The following SCAPER variants were observed in gnomAD, a reference collection of about 807,000 sequenced individuals.
SCAPER encodes the protein S phase cyclin A-associated protein in the endoplasmic reticulum.
Under a neutral mutation model 182.2 loss-of-function variants are expected in SCAPER, and 98 were observed. The observed-to-expected ratio is 0.54, with a 90% CI of 0.46 to 0.64. The LOEUF (loss-of-function observed/expected upper bound fraction) is 0.64, where lower values mean the gene tolerates loss of function less well. SCAPER is among the 30% of genes least tolerant of loss of function. The pLI, the probability that SCAPER is intolerant of heterozygous loss-of-function variation, is 0.00. For missense variants in SCAPER, 1,432 were observed against 1,690.0 expected (o/e 0.85, Z 2.68); for synonymous variants, 605 against 564.6 (o/e 1.07, Z -1.01).
In SCAPER at chr15:76,603,815, T is replaced by A. The variant is rs1343205674; in HGVS notation, c.2711+17949A>T. ...AGCATTTTTTCATGTGTCTGTTGGC[T>A]GCATAAATGTCTTCTTTTGAGAAGT... is the stretch of plus-strand genomic sequence containing the variant. On this transcript the variant is annotated intron_variant, in intron 22 of 31. Coordinates refer to ENST00000563290, the MANE Select transcript of SCAPER (RefSeq NM_020843.4). Among the ~76,000 whole-genome samples, 5 of 122,480 alleles carry A rather than the reference T, an allele frequency of 4.1e-5. 2 individuals are homozygous for A. The highest frequency in any genetic ancestry group is 9.9e-5 in the Non-Finnish European group (5 of 50,298). The allele number at this position is 122,480 out of a possible 152,430, so 80.4% of individuals were successfully genotyped here.
chr15:76,710,230 T>C (rs1189823730), intron 17 of SCAPER, among the ~76,000 whole-genome samples: 3 of 151,766 alleles, frequency 2.0e-5, no homozygotes, highest in Non-Finnish European at 2.9e-5. Flanking sequence ...TAAAACAAAC[T>C]TTATTCACAG....
intron 20 of SCAPER, among the ~76,000 whole-genome samples, chr15:76,690,243 G>C (rs1018547337): frequency 2.6e-5 from 4 of 151,728 alleles, no homozygotes; most frequent in Non-Finnish European, 5.9e-5. Context: ...ATAACCCCAG[G>C]GTAATCATGA....
intron 27 of SCAPER, among the ~76,000 whole-genome samples, chr15:76,396,719 G>C (rs1388228434): frequency 6.6e-6 from 1 of 152,126 alleles, no homozygotes; most frequent in African/African-American, 2.4e-5. Flanking sequence ...TTTTGATGGA[G>C]TCTTTAGGTT....
Position 76,637,722 on chromosome 15 carries a change from T to TTATATATATA in SCAPER, c.2646-15903_2646-15894dup, listed in dbSNP as rs369760680. On this transcript the variant is annotated intron_variant, in intron 21 of 31. Coordinates refer to ENST00000563290, the MANE Select transcript of SCAPER (RefSeq NM_020843.4). ...CCCTATCTCTACAATATATATGTGA[T>TTATATATATA]TATATATATATATATATATATGTGT... Among the ~76,000 whole-genome samples, 81 of 77,732 alleles carry TTATATATATA rather than the reference T, an allele frequency of 1.0e-3. 1 individual carries two copies. Among genetic ancestry groups the TTATATATATA allele is most frequent in the African/African-American group, 3.3e-3 (69 of 20,894 alleles). The allele number at this position is 77,732 out of a possible 152,430, so 51.0% of individuals were successfully genotyped here.
At chr15:76,879,766 T>A (rs1322987882) in intron 2 of SCAPER, among the ~76,000 whole-genome samples, 1 of 152,218 alleles carries the variant, frequency 6.6e-6, no homozygotes, top group African/African-American at 2.4e-5. Context: ...TGTAACGTCC[T>A]AAGGCTAAGT....
intron 17 of SCAPER, among the ~76,000 whole-genome samples, chr15:76,723,828 G>A (rs566222928): frequency 7.5e-4 from 114 of 152,300 alleles, no homozygotes; most frequent in Non-Finnish European, 1.4e-3. Context: ...CTCTGCACAT[G>A]AGATGGGGTT....
intron 22 of SCAPER, among the ~76,000 whole-genome samples, chr15:76,615,529 AC>A (rs2051392512): frequency 6.8e-6 from 1 of 147,612 alleles, no homozygotes; most frequent in Non-Finnish European, 1.5e-5. Flanking sequence ...ACACACACAC[AC>A]ACAAATGAGG....
At chr15:76,583,978 T>C (rs764894917) in intron 22 of SCAPER, among the ~76,000 whole-genome samples, 1 of 152,192 alleles carries the variant, frequency 6.6e-6, no homozygotes, top group Admixed American at 6.5e-5. Flanking sequence ...CCCATGTTTA[T>C]TGCAGCACTA....
At chr15:76,865,839 T>C (rs2072250528) in intron 2 of SCAPER, among the ~76,000 whole-genome samples, 1 of 152,180 alleles carries the variant, frequency 6.6e-6, no homozygotes, top group Non-Finnish European at 1.5e-5. Context: ...CGTACCCATA[T>C]TCCTTCATTC....
chr15:76,361,970 T>A (rs982666373), intron 29 of SCAPER, among the ~76,000 whole-genome samples: 1 of 151,884 alleles, frequency 6.6e-6, no homozygotes, highest in African/African-American at 2.4e-5. Flanking sequence ...AAGTTAATGT[T>A]AAACACATTT....
chr15:76,497,989 C>CAAAA (rs747096625), intron 24 of SCAPER, among the ~76,000 whole-genome samples: 5,657 of 58,038 alleles, frequency 0.097, 1,535 homozygotes, highest in Middle Eastern at 0.15. Context: ...GACTCCGTCT[C>CAAAA]AAAAAAAAAA....
intron 23 of SCAPER, among the ~76,000 whole-genome samples, chr15:76,548,861 A>T (rs972525864): frequency 2.0e-5 from 3 of 152,132 alleles, no homozygotes; most frequent in African/African-American, 7.2e-5. Flanking sequence ...AACCTAGGCA[A>T]TACCATTCAG....
chr15:76,530,863 T>G (rs1019601536), intron 23 of SCAPER, among the ~76,000 whole-genome samples: 2 of 151,930 alleles, frequency 1.3e-5, no homozygotes, highest in Admixed American at 6.6e-5. Context: ...ACATATTTCT[T>G]ATAATCAAAG....
chr15:76,574,332 TA>T, intron 22 of SCAPER, 48 bp from the exon 23 acceptor site: 1 of 1,580,078 alleles, frequency 6.3e-7, no homozygotes. Flanking sequence ...AAACAGACTA[TA>T]ATCTTCATTT....
chr15:76,357,184 A>ACACACACACACACACC (rs1485814475), intron 29 of SCAPER, among the ~76,000 whole-genome samples: 3 of 151,388 alleles, frequency 2.0e-5, no homozygotes, highest in Non-Finnish European at 4.4e-5. Flanking sequence ...ACACACACAC[A>ACACACACACACACACC]CACACCCCTA....
chr15:76,423,316 A>T (rs2046185281), intron 26 of SCAPER, among the ~76,000 whole-genome samples: 1 of 152,212 alleles, frequency 6.6e-6, no homozygotes, highest in African/African-American at 2.4e-5. Flanking sequence ...TGGTCTATTC[A>T]GAGATTCAAC....
chr15:76,878,204 G>A lies in SCAPER; in HGVS notation c.6+5608C>T, dbSNP rs1244514285. Among the ~76,000 whole-genome samples the A allele has an allele frequency of 2.0e-5, 3 of 151,470 alleles. No homozygotes were observed. The East Asian group carries it at 5.8e-4, about 29-fold the overall frequency. ...AAGTATATATGAGAATTCATATATG[G>A]ATATATATCATATATGGATGTATGT... On this transcript the variant is annotated intron_variant, in intron 2 of 31. Coordinates refer to ENST00000563290, the MANE Select transcript of SCAPER (RefSeq NM_020843.4).
chr15:76,669,215 GCAGCAACAA>G (rs1317126939), intron 20 of SCAPER, among the ~76,000 whole-genome samples: 5 of 151,224 alleles, frequency 3.3e-5, no homozygotes, highest in Admixed American at 6.6e-5. Flanking sequence ...AAAACAAGCA[GCAGCAACAA>G]CAACAACAAC....
At chr15:76,653,695 T>C (rs1048687876) in intron 21 of SCAPER, among the ~76,000 whole-genome samples, 8 of 152,280 alleles carry the variant, frequency 5.3e-5, no homozygotes, top group Middle Eastern at 3.4e-3. Context: ...TTTCACCAGA[T>C]ACAAAAATTG....
Sources: allele counts gnomAD v4.1 joint callset (sites outside exome capture counted in the v4.1 genomes callset), GRCh38; gene constraint gnomAD v4.1.1; transcripts MANE v1.5; gene names NCBI Gene and HGNC (gene_info 2026-07-23, HGNC 2026-07-21).